Variants in WWOX observed in about 807,000 individuals in gnomAD.
WWOX encodes the protein WW domain containing oxidoreductase, also known as WW domain-containing oxidoreductase.
In WWOX, 69 loss-of-function variants were observed where a neutral mutation model predicts 46.2. That is an observed-to-expected ratio of 1.49 (90% CI 1.23 to 1.82). WWOX has a LOEUF of 1.82. WWOX is among the 40% of genes most tolerant of loss of function. The probability of loss-of-function intolerance (pLI) is 0.00; values close to 1 mark genes in which losing one functional copy is unlikely to be tolerated. For synonymous variants in WWOX, 359 were observed against 202.6 expected (o/e 1.77, Z -6.56); for missense variants, 919 against 542.6 (o/e 1.69, Z -6.89).
intron 8 of WWOX, among the ~76,000 whole-genome samples, chr16:79,136,591 A>G (rs1252730948): frequency 2.6e-5 from 4 of 152,136 alleles, no homozygotes; most frequent in African/African-American, 9.7e-5. Flanking sequence ...GTGAACAGGA[A>G]CTTAAAGCCA....
intron 8 of WWOX, among the ~76,000 whole-genome samples, chr16:78,990,377 G>A (rs1186963445): frequency 6.6e-6 from 1 of 152,156 alleles, no homozygotes; most frequent in Non-Finnish European, 1.5e-5. Context: ...AGCCTGAGGA[G>A]CCTCAACTGT....
intron 6 of WWOX, among the ~76,000 whole-genome samples, chr16:78,395,758 CTT>C: frequency 1.4e-5 from 1 of 70,668 alleles, no homozygotes; most frequent in African/African-American, 1.5e-4. Context: ...TTTGTTTTTT[CTT>C]TTTCTTTTTC....
intron 5 of WWOX, among the ~76,000 whole-genome samples, chr16:78,374,820 G>T (rs1377805843): frequency 6.6e-6 from 1 of 152,084 alleles, no homozygotes; most frequent in Non-Finnish European, 1.5e-5. Context: ...AAAGTGCTAA[G>T]ATTACAGGCA....
chr16:78,113,783 T>C (rs1365335705), intron 3 of WWOX, among the ~76,000 whole-genome samples: 1 of 152,210 alleles, frequency 6.6e-6, no homozygotes, highest in African/African-American at 2.4e-5. Context: ...AACTGCTCTG[T>C]TGTGTGTGTA....
chr16:78,444,386 T>TA (rs951563785), intron 8 of WWOX, among the ~76,000 whole-genome samples: 2 of 151,888 alleles, frequency 1.3e-5, no homozygotes, highest in African/African-American at 4.8e-5. Context: ...TGAAAGGAAA[T>TA]AAAAAAAGGA....
intron 8 of WWOX, among the ~76,000 whole-genome samples, chr16:78,725,153 G>C (rs9937065): frequency 0.016 from 2,453 of 151,974 alleles, 55 homozygotes; most frequent in African/African-American, 0.046. Flanking sequence ...TTTTATAAGG[G>C]GGAAACACCT....
intron 8 of WWOX, among the ~76,000 whole-genome samples, chr16:78,736,748 T>G (rs1479790694): frequency 2.6e-5 from 4 of 152,078 alleles, no homozygotes; most frequent in Non-Finnish European, 5.9e-5. Context: ...TACAGGCGCA[T>G]GCCTCCACAT....
At chr16:78,526,269 G>C (rs2043465448) in intron 8 of WWOX, 1 of 152,382 alleles carries the variant, frequency 6.6e-6, no homozygotes, top group Non-Finnish European at 1.5e-5. Flanking sequence ...ATGTGTTGTT[G>C]CCGTGCTGAT....
chr16:78,377,878 C>G (rs1269025492), intron 5 of WWOX, among the ~76,000 whole-genome samples: 1 of 152,066 alleles, frequency 6.6e-6, no homozygotes, highest in African/African-American at 2.4e-5. Context: ...TAGATATTGA[C>G]ACGGTTATTT....
intron 6 of WWOX, 83 bp from the exon 7 acceptor site, chr16:78,424,787 A>G: frequency 6.8e-7 from 1 of 1,471,878 alleles, no homozygotes. Flanking sequence ...TTATGTCCAC[A>G]TCACGTGGAT....
At chr16:78,368,796 G>T (rs1262381626) in intron 5 of WWOX, among the ~76,000 whole-genome samples, 3 of 152,100 alleles carry the variant, frequency 2.0e-5, no homozygotes, top group Non-Finnish European at 4.4e-5. Context: ...TTGTCCCATT[G>T]GGCCATGGGA....
chr16:78,469,482 A>C lies in WWOX; in HGVS notation c.1056+36730A>C, dbSNP rs565043298. On this transcript the variant is annotated intron_variant, in intron 8 of 8. Transcript: ENST00000566780. ...AACAGAGATGACAGGCTCCGCAGTG[A>C]GGGTGATGATGGTGTTACGAATTAC... Among the ~76,000 whole-genome samples, 103 of 152,322 alleles carry C rather than the reference A, an allele frequency of 6.8e-4. 1 individual carries two copies. The highest frequency in any genetic ancestry group is 2.4e-3 in the African/African-American group (100 of 41,582).
At chr16:78,385,073 G>T (rs1249961932) in intron 5 of WWOX, among the ~76,000 whole-genome samples, 2 of 151,776 alleles carry the variant, frequency 1.3e-5, no homozygotes, top group Non-Finnish European at 2.9e-5. Context: ...AGTGGAGGTT[G>T]CAGTGAGCCA....
intron 8 of WWOX, among the ~76,000 whole-genome samples, chr16:78,633,212 A>C (rs891884386): frequency 5.3e-5 from 8 of 152,098 alleles, no homozygotes; most frequent in African/African-American, 1.4e-4. Context: ...CAGTGAGCTG[A>C]GATCGTGCCA....
intron 6 of WWOX, among the ~76,000 whole-genome samples, chr16:78,414,837 C>T (rs969665129): frequency 2.6e-5 from 4 of 152,058 alleles, no homozygotes; most frequent in Admixed American, 2.6e-4. Flanking sequence ...TTGGCCCATG[C>T]CCAGGAATGA....
chr16:78,314,526 GT>G (rs761012673), intron 5 of WWOX, among the ~76,000 whole-genome samples: 12,335 of 132,848 alleles, frequency 0.093, 626 homozygotes, highest in East Asian at 0.16. Context: ...AATTTGTGGG[GT>G]TTTTTTTTTT....
intron 8 of WWOX, among the ~76,000 whole-genome samples, chr16:78,799,427 G>A (rs1118735): frequency 0.3 from 46,312 of 152,092 alleles, 8,271 homozygotes; most frequent in Middle Eastern, 0.45. Flanking sequence ...AGCATTTAAG[G>A]TTTTCTTATG....
At chr16:78,483,133 T>C (rs1331443767) in intron 8 of WWOX, among the ~76,000 whole-genome samples, 1 of 152,192 alleles carries the variant, frequency 6.6e-6, no homozygotes, top group Non-Finnish European at 1.5e-5. Context: ...TCGATATGCA[T>C]GAGTGTGTTA....
chr16:78,566,580 A>C (rs1346400769), intron 8 of WWOX, among the ~76,000 whole-genome samples: 7 of 152,274 alleles, frequency 4.6e-5, no homozygotes, highest in African/African-American at 1.7e-4. Context: ...GGGAGGGTGT[A>C]AGTGCTCAGA....
Sources: gnomAD v4.1 joint callset for allele counts (sites outside exome capture counted in the v4.1 genomes callset) on GRCh38, gnomAD v4.1.1 for gene constraint, MANE v1.5 for transcripts, NCBI Gene and HGNC (gene_info 2026-07-23, HGNC 2026-07-21) for gene names.